The following VCL variants were observed in gnomAD, a reference collection of about 807,000 sequenced individuals.
The protein encoded by VCL is vinculin, also known as epididymis luminal protein 114.
A neutral mutation model predicts 125.7 loss-of-function variants in VCL; 47 were observed. The observed-to-expected ratio is 0.37, with a 90% CI of 0.30 to 0.48. The LOEUF is 0.48. Ranked by LOEUF, VCL falls within the 20% of genes least tolerant of loss-of-function variation. The pLI, the probability that VCL is intolerant of heterozygous loss-of-function variation, is 0.99. For missense variants in VCL, 1,069 were observed against 1,455.5 expected, an observed-to-expected ratio of 0.73 and a Z score of 4.32; for synonymous variants, 458 against 514.6, an observed-to-expected ratio of 0.89 and a Z score of 1.49.
At chr10:74,047,105 A>T (rs2136251863) in intron 2 of VCL, among the ~76,000 whole-genome samples, 1 of 152,294 alleles carries the variant, frequency 6.6e-6, no homozygotes, top group East Asian at 1.9e-4. Context: ...GGTGAATTCT[A>T]ACCAATAAAT....
At chr10:74,120,420 G>GAAAC (rs1840401938), downstream of VCL, 1 of 152,238 alleles carries the variant, frequency 6.6e-6, no homozygotes, top group Non-Finnish European at 1.5e-5. Flanking sequence ...GCAGCTGGAT[G>GAAAC]AAACAGTTTA....
intron 8 of VCL, among the ~76,000 whole-genome samples, chr10:74,083,871 G>GT (rs1363137855): frequency 1.4e-5 from 2 of 147,844 alleles, no homozygotes; most frequent in East Asian, 4.0e-4. Flanking sequence ...TTGTTTGTTT[G>GT]TTTGTTTGTT....
chr10:74,019,888 C>A (rs955332399), intron 1 of VCL, among the ~76,000 whole-genome samples: 1 of 151,926 alleles, frequency 6.6e-6, no homozygotes, highest in African/African-American at 2.4e-5. Flanking sequence ...AATGGTGAAA[C>A]CCTTTCTCTA....
At chr10:74,043,661 T>C (rs1184561782) in intron 2 of VCL, among the ~76,000 whole-genome samples, 1 of 152,032 alleles carries the variant, frequency 6.6e-6, no homozygotes, top group East Asian at 1.9e-4. Context: ...TTTGACATAA[T>C]AATTTTTAAT....
chr10:74,108,946 T>C, intron 17 of VCL, 25 bp from the exon 18 acceptor site: 1 of 1,613,906 alleles, frequency 6.2e-7, no homozygotes, highest in East Asian at 2.2e-5. Flanking sequence ...AGGACTTTAC[T>C]TACAACTTGT....
At chr10:74,082,984 G>A in intron 7 of VCL, among the ~76,000 whole-genome samples, 1 of 152,168 alleles carries the variant, frequency 6.6e-6, no homozygotes, top group East Asian at 1.9e-4. Flanking sequence ...TATTGAACTA[G>A]GCTTTATTGA....
At chr10:74,089,985 T>G (rs1397221679) in intron 9 of VCL, 38 bp from the exon 10 acceptor site, 2 of 1,613,536 alleles carry the variant, frequency 1.2e-6, no homozygotes, top group Admixed American at 3.3e-5. Flanking sequence ...AGTGTGTGAG[T>G]AGATCACAGC....
chr10:74,009,222 C>CT (rs200316757), intron 1 of VCL, among the ~76,000 whole-genome samples: 1,171 of 117,036 alleles, frequency 0.01, 103 homozygotes, highest in South Asian at 0.022. Context: ...GCTTTCCCCC[C>CT]CCCCCCCCGA....
At position 74,118,208 on chromosome 10, in the gene VCL, A is replaced by G; in HGVS notation, c.*39A>G. On this transcript the variant is annotated 3_prime_UTR_variant, in exon 22 of 22. Transcript: ENST00000211998. ...CCTGGCTGGCACAGAAACCTCTACTAAAAAGAAGGAAAATGATCTGAGTCC... is the reference window on the plus strand; with the variant it reads ...CCTGGCTGGCACAGAAACCTCTACTGAAAAGAAGGAAAATGATCTGAGTCC... The G allele has an allele frequency of 6.2e-7, 1 of 1,613,316 alleles. No homozygotes were observed. The highest frequency in any genetic ancestry group is 8.5e-7 in the Non-Finnish European group (1 of 1,179,728).
chr10:74,107,486 G>A, intron 17 of VCL, 132 bp downstream of exon 17: 2 of 1,440,868 alleles, frequency 1.4e-6, no homozygotes, highest in East Asian at 2.3e-5. Context: ...CTTAGTGGGA[G>A]GCAGATCTCG....
At chr10:74,016,592 GA>G (rs903986781) in intron 1 of VCL, among the ~76,000 whole-genome samples, 3 of 151,126 alleles carry the variant, frequency 2.0e-5, no homozygotes, top group South Asian at 2.1e-4. Flanking sequence ...GTCTCAAAAA[GA>G]AAAAAAAATC....
At chr10:74,083,851 C>T (rs1839720972) in intron 8 of VCL, among the ~76,000 whole-genome samples, 1 of 150,354 alleles carries the variant, frequency 6.7e-6, no homozygotes, top group Admixed American at 6.6e-5. Flanking sequence ...GCCATCACAC[C>T]TGGCTAATTT....
rs1282100911 is a variant in VCL at position 74,119,850 on chromosome 10, C to CAAAG, written c.*1683_*1686dup. 6.6e-6 allele frequency: 1 copy of CAAAG among 152,234 alleles called. No homozygotes were observed. The highest frequency in any genetic ancestry group is 2.4e-5 in the African/African-American group (1 of 41,298). 9.4% of individuals were successfully genotyped at this position (152,234 alleles called of 1,614,324 possible). A position where few individuals can be genotyped will look rare whatever the true frequency, so the allele number is the denominator to read the frequency against. On this transcript the variant is annotated 3_prime_UTR_variant, in exon 22 of 22. Transcript: ENST00000211998. ...ATGCCTTTAAAGTATGAATCTATGC[C>CAAAG]AAAGATCACTTGTTGTTTTACTAAA...
chr10:74,009,215 T>TC (rs1565631984), intron 1 of VCL, among the ~76,000 whole-genome samples: 16 of 75,008 alleles, frequency 2.1e-4, no homozygotes, highest in East Asian at 7.1e-4. Context: ...GGCTGCTGCT[T>TC]TCCCCCCCCC....
Position 74,114,292 on chromosome 10 carries a change from A to G in VCL, c.3058A>G (p.Lys1020Glu). Residue 1020 changes from lysine (K) to glutamate (E), a missense_variant, in exon 20 of 22, where the codon AAG (lysine) becomes GAG (glutamate). By Grantham distance (56) the Lys-to-Glu change is moderately conservative. Coordinates refer to ENST00000211998, the MANE Select transcript of VCL (RefSeq NM_014000.3). ...GTKRALIQCA[K>E]DIAKASDEVT... ...CAAGCGGGCACTCATTCAGTGTGCC[A>G]AGGACATCGCCAAGGCCTCAGATGA... The G allele has an allele frequency of 6.2e-7, 1 of 1,614,124 alleles. No individual in the cohort carries two copies. The highest frequency in any genetic ancestry group is 8.5e-7 in the Non-Finnish European group (1 of 1,180,032).
At chr10:74,021,298 A>T (rs1840661672) in intron 1 of VCL, among the ~76,000 whole-genome samples, 2 of 150,632 alleles carry the variant, frequency 1.3e-5, no homozygotes, top group Admixed American at 6.6e-5. Flanking sequence ...CCTTTCTCTG[A>T]CCCCCCTACC....
chr10:74,030,081 T>G (rs1840846903), intron 1 of VCL, among the ~76,000 whole-genome samples: 3 of 152,198 alleles, frequency 2.0e-5, no homozygotes, highest in African/African-American at 4.8e-5. Context: ...CTGTGCTAAT[T>G]AAGGTTGTTT....
At chr10:74,036,405 G>A (rs1057357183) in intron 1 of VCL, among the ~76,000 whole-genome samples, 2 of 152,068 alleles carry the variant, frequency 1.3e-5, no homozygotes, top group African/African-American at 4.8e-5. Context: ...GTTTCACCAT[G>A]TTGGCCAGTC....
intron 11 of VCL, 147 bp downstream of exon 11, chr10:74,094,608 A>T (rs1839937486): frequency 9.3e-7 from 1 of 1,078,386 alleles, no homozygotes; most frequent in African/African-American, 1.6e-5. Flanking sequence ...AAATGCAGCC[A>T]GTAAAATTCC....
Sources: allele counts gnomAD v4.1 joint callset (sites outside exome capture counted in the v4.1 genomes callset), GRCh38; gene constraint gnomAD v4.1.1; transcripts MANE v1.5; gene names NCBI Gene and HGNC (gene_info 2026-07-23, HGNC 2026-07-21).